The following MYCBP2 variants were observed in gnomAD, a reference collection of about 807,000 sequenced individuals.
MYCBP2 encodes the protein MYC binding protein 2.
A neutral mutation model predicts 525.3 loss-of-function variants in MYCBP2; 120 were observed. The observed-to-expected ratio is 0.23, with a 90% CI of 0.20 to 0.27. MYCBP2 has a LOEUF of 0.27. Among genes scored for constraint, MYCBP2 ranks in the 10% least tolerant of loss-of-function variants. The pLI, the probability that MYCBP2 is intolerant of heterozygous loss-of-function variation, is 1.00. For synonymous variants in MYCBP2, 1,894 were observed against 1,955.8 expected (o/e 0.97, Z 0.83); for missense variants, 4,149 against 5,657.1 (o/e 0.73, Z 8.55).
intron 43 of MYCBP2, among the ~76,000 whole-genome samples, 195 bp from the exon 44 acceptor site, chr13:77,162,150 C>A (rs902039138): frequency 1.5e-4 from 23 of 152,104 alleles, no homozygotes; most frequent in Non-Finnish European, 3.2e-4. Flanking sequence ...GAATATACTA[C>A]AATTCTCAAG....
At chr13:77,071,284 C>CACA (rs1297547258) in intron 68 of MYCBP2, among the ~76,000 whole-genome samples, 7 of 151,682 alleles carry the variant, frequency 4.6e-5, no homozygotes, top group African/African-American at 1.7e-4. Context: ...CACACACACA[C>CACA]ACACACACAC....
At chr13:77,137,831 G>T (rs1034774861) in intron 52 of MYCBP2, among the ~76,000 whole-genome samples, 3 of 152,008 alleles carry the variant, frequency 2.0e-5, no homozygotes, top group Non-Finnish European at 4.4e-5. Context: ...TGATCCACTG[G>T]CCTTGGCTTC....
At chr13:77,274,379 T>C (rs2075268421) in intron 4 of MYCBP2, among the ~76,000 whole-genome samples, 1 of 152,186 alleles carries the variant, frequency 6.6e-6, no homozygotes, top group Non-Finnish European at 1.5e-5. Context: ...ATCTGGGTAT[T>C]TCTTCCATAG....
At chr13:77,228,109 A>T (rs1424365842) in intron 18 of MYCBP2, among the ~76,000 whole-genome samples, 3 of 152,100 alleles carry the variant, frequency 2.0e-5, no homozygotes, top group African/African-American at 4.8e-5. Context: ...TATAATTCCT[A>T]TAACTCAGAC....
chr13:77,190,527 G>A (rs369389626), intron 28 of MYCBP2, among the ~76,000 whole-genome samples, 192 bp from the exon 29 acceptor site: 8 of 152,278 alleles, frequency 5.3e-5, no homozygotes, highest in Admixed American at 1.3e-4. Flanking sequence ...AGAACTGAAC[G>A]TGATTAGGAC....
intron 1 of MYCBP2, among the ~76,000 whole-genome samples, chr13:77,309,073 T>C (rs2079822996): frequency 6.6e-6 from 1 of 152,240 alleles, no homozygotes; most frequent in Non-Finnish European, 1.5e-5. Flanking sequence ...ACAGGTTATC[T>C]AATCCAAAAG....
chr13:77,064,948 A>C (rs1185303538), intron 72 of MYCBP2, among the ~76,000 whole-genome samples: 1 of 152,208 alleles, frequency 6.6e-6, no homozygotes, highest in Non-Finnish European at 1.5e-5. Flanking sequence ...TTTAAAAATA[A>C]ATAAATAAAA....
intron 15 of MYCBP2, among the ~76,000 whole-genome samples, chr13:77,249,327 G>A (rs1450881475): frequency 6.6e-6 from 1 of 152,074 alleles, no homozygotes; most frequent in Admixed American, 6.5e-5. Flanking sequence ...ATTGAAGTCA[G>A]CTTAATAGTC....
intron 49 of MYCBP2, among the ~76,000 whole-genome samples, chr13:77,142,334 T>C (rs528659997): frequency 6.6e-6 from 1 of 152,312 alleles, no homozygotes; most frequent in Admixed American, 6.5e-5. Context: ...CCAAAAAACA[T>C]TTGCTGAACT....
At chr13:77,139,442 T>C in intron 51 of MYCBP2, 106 bp from the exon 52 acceptor site, 1 of 1,249,482 alleles carries the variant, frequency 8.0e-7, no homozygotes, top group Non-Finnish European at 1.1e-6. Context: ...CATGTGCAGA[T>C]TAAGCATCTA....
At chr13:77,308,601 T>A (rs1291752784) in intron 1 of MYCBP2, among the ~76,000 whole-genome samples, 2 of 152,234 alleles carry the variant, frequency 1.3e-5, no homozygotes, top group African/African-American at 4.8e-5. Flanking sequence ...ATTATTCCCA[T>A]GCCAAATTCA....
chr13:77,157,798 T>C lies in MYCBP2; in HGVS notation c.6770+139A>G, dbSNP rs577651391. ...CGCCAAACAAAAATATTAACTATCA[T>C]TTTATATTTCAGCAAGTTAAACATA... On this transcript the variant is annotated intron_variant, in intron 45 of 82. Coordinates refer to ENST00000544440, the MANE Select transcript of MYCBP2 (RefSeq NM_015057.5). 932 of 692,334 alleles carry C rather than the reference T, an allele frequency of 1.3e-3. 2 individuals carry two copies. Among genetic ancestry groups the C allele is most frequent in the Non-Finnish European group, 1.9e-3 (792 of 422,256 alleles). 42.9% of individuals were successfully genotyped at this position (692,334 alleles called of 1,614,324 possible).
At chr13:77,205,068 T>A (rs913035505) in intron 26 of MYCBP2, among the ~76,000 whole-genome samples, 188 bp downstream of exon 26, 1 of 151,786 alleles carries the variant, frequency 6.6e-6, no homozygotes, top group Non-Finnish European at 1.5e-5. Context: ...TAAATAAATT[T>A]AAAAAATTTA....
At chr13:77,131,714 C>T (rs982396531) in intron 52 of MYCBP2, among the ~76,000 whole-genome samples, 7 of 151,970 alleles carry the variant, frequency 4.6e-5, no homozygotes, top group African/African-American at 1.2e-4. Context: ...TGTGTATATA[C>T]GAACACACAT....
At chr13:77,279,248 C>T (rs912424098) in intron 3 of MYCBP2, among the ~76,000 whole-genome samples, 2 of 152,136 alleles carry the variant, frequency 1.3e-5, no homozygotes, top group Admixed American at 6.5e-5. Flanking sequence ...AGGAGCTTTT[C>T]GTCTTAGCCT....
At chr13:77,312,914 C>T (rs2080448691) in intron 1 of MYCBP2, among the ~76,000 whole-genome samples, 1 of 151,798 alleles carries the variant, frequency 6.6e-6, no homozygotes, top group Non-Finnish European at 1.5e-5. Flanking sequence ...ACTTATCATC[C>T]AACTTTAACT....
chr13:77,190,242 T>C lies in MYCBP2; in HGVS notation c.4154+10A>G, dbSNP rs2061170413. The C allele has an allele frequency of 6.5e-7, 1 of 1,538,616 alleles. No individual in the cohort carries two copies. The highest frequency in any genetic ancestry group is 9.0e-7 in the Non-Finnish European group (1 of 1,116,490). ...AAACCATACTAATTCAGTATAAATA[T>C]GCTAAATACCTGTATAATAACTGAG... is the stretch of plus-strand genomic sequence containing the variant. On this transcript the variant is annotated intron_variant, in intron 29 of 82. Coordinates refer to ENST00000544440, the MANE Select transcript of MYCBP2 (RefSeq NM_015057.5).
chr13:77,208,381 C>T (rs971611493), intron 23 of MYCBP2, among the ~76,000 whole-genome samples: 1 of 152,150 alleles, frequency 6.6e-6, no homozygotes, highest in Non-Finnish European at 1.5e-5. Context: ...GAAATACTTC[C>T]ACATGTGTGT....
chr13:77,144,930 G>A (rs907206371), intron 48 of MYCBP2, among the ~76,000 whole-genome samples: 37 of 152,148 alleles, frequency 2.4e-4, no homozygotes, highest in Non-Finnish European at 5.4e-4. Flanking sequence ...CCCTTGTGCT[G>A]TGAATCTTAT....
Sources: gnomAD v4.1 joint callset for allele counts (sites outside exome capture counted in the v4.1 genomes callset) on GRCh38, gnomAD v4.1.1 for gene constraint, MANE v1.5 for transcripts, NCBI Gene and HGNC (gene_info 2026-07-23, HGNC 2026-07-21) for gene names.